ASCC3: variants seen among roughly 807,000 people sequenced by gnomAD.
The protein encoded by ASCC3 is activating signal cointegrator 1 complex subunit 3, also known as ASC-1 complex subunit P200.
ASCC3 carries 158 observed loss-of-function variants against 256.3 expected under a neutral mutation model. The observed-to-expected ratio is 0.62, with a 90% CI of 0.54 to 0.70. The LOEUF is 0.70. Among genes scored for constraint, ASCC3 ranks in the 30% least tolerant of loss-of-function variants. The pLI, the probability that ASCC3 is intolerant of heterozygous loss-of-function variation, is 0.00. For synonymous variants in ASCC3, 948 were observed against 883.4 expected, an observed-to-expected ratio of 1.07 and a Z score of -1.30; for missense variants, 2,259 against 2,626.0, an observed-to-expected ratio of 0.86 and a Z score of 3.05.
chr6:100,647,543 G>T, intron 20 of ASCC3, 92 bp from the exon 21 acceptor site: 1 of 1,138,084 alleles, frequency 8.8e-7, no homozygotes, highest in Non-Finnish European at 1.3e-6. Flanking sequence ...CTGAAAAGAA[G>T]TGCAAGTCAA....
At chr6:100,539,935 C>T (rs947368101) in intron 37 of ASCC3, among the ~76,000 whole-genome samples, 7 of 152,218 alleles carry the variant, frequency 4.6e-5, no homozygotes, top group Middle Eastern at 3.4e-3. Context: ...GTATCTGGCA[C>T]GTAGTTTGCC....
At chr6:100,770,842 CT>C (rs34601702) in intron 8 of ASCC3, among the ~76,000 whole-genome samples, 82,134 of 141,758 alleles carry the variant, frequency 0.58, 23,626 homozygotes, top group South Asian at 0.76. Context: ...CTTAAGATGT[CT>C]TTTTTTTTTT....
In ASCC3 at chr6:100,608,203, ATATATACTTTATATATATACTT is replaced by A. The variant is rs368797126; in HGVS notation, c.4786-1137_4786-1116del. ...ATGTGTGTGTATATATATACTTTAT[ATATATACTTTATATATATACTT>A]TATATACTTTATACTTTATATATAT... On this transcript the variant is annotated intron_variant, in intron 30 of 41. Transcript: ENST00000369162. Among the ~76,000 whole-genome samples the A allele has an allele frequency of 4.6e-3, 234 of 50,954 alleles. 3 individuals are homozygous for A. The highest frequency in any genetic ancestry group is 0.018 in the African/African-American group (217 of 12,332). The allele number at this position is 50,954 out of a possible 152,430, so 33.4% of individuals were successfully genotyped here.
intron 23 of ASCC3, among the ~76,000 whole-genome samples, chr6:100,643,764 T>C (rs988314500): frequency 3.3e-5 from 5 of 152,158 alleles, no homozygotes; most frequent in African/African-American, 1.2e-4. Context: ...ACCACTATTG[T>C]ACTGTTGTTG....
chr6:100,608,106 AT>A, intron 30 of ASCC3, among the ~76,000 whole-genome samples: 1 of 129,790 alleles, frequency 7.7e-6, no homozygotes, highest in East Asian at 2.2e-4. Flanking sequence ...ACACATATAT[AT>A]GTATATATAT....
chr6:100,567,458 G>C (rs963315583), intron 36 of ASCC3, among the ~76,000 whole-genome samples: 1 of 152,082 alleles, frequency 6.6e-6, no homozygotes, highest in African/African-American at 2.4e-5. Context: ...ACATACGCAC[G>C]TTTGTTACCT....
chr6:100,832,110 G>A lies in ASCC3; in HGVS notation c.801+16038C>T, dbSNP rs117883881. On this transcript the variant is annotated intron_variant, in intron 4 of 41. Transcript: ENST00000369162. ...ATCTCTGATAGGATTTTTGAAAGACGAAGACTAGAAAGAATGACAGAAAGG... is the reference window on the plus strand; with the variant it reads ...ATCTCTGATAGGATTTTTGAAAGACAAAGACTAGAAAGAATGACAGAAAGG... Among the ~76,000 whole-genome samples the A allele has an allele frequency of 4.2e-4, 64 of 152,138 alleles. No individual in the cohort carries two copies. In the East Asian group the frequency reaches 9.3e-3, roughly 22 times the overall value.
intron 36 of ASCC3, among the ~76,000 whole-genome samples, chr6:100,585,166 G>T (rs1771577733): frequency 6.6e-6 from 1 of 152,172 alleles, no homozygotes; most frequent in South Asian, 2.1e-4. Flanking sequence ...ATAATATCCT[G>T]CAGAGTGTTT....
At chr6:100,842,178 A>G (rs1440624946) in intron 4 of ASCC3, among the ~76,000 whole-genome samples, 4 of 152,210 alleles carry the variant, frequency 2.6e-5, no homozygotes, top group Non-Finnish European at 5.9e-5. Flanking sequence ...AACAATGTAC[A>G]GCACCTAATG....
At chr6:100,767,433 T>C in intron 8 of ASCC3, 88 bp from the exon 9 acceptor site, 3 of 1,368,348 alleles carry the variant, frequency 2.2e-6, no homozygotes, top group East Asian at 2.3e-5. Flanking sequence ...ATTTCCTTTG[T>C]TTTTTAAAAA....
At chr6:100,813,151 A>C (rs1770563251) in intron 4 of ASCC3, among the ~76,000 whole-genome samples, 1 of 152,050 alleles carries the variant, frequency 6.6e-6, no homozygotes, top group Admixed American at 6.6e-5. Context: ...CACATCCAGG[A>C]AGCTTAACAA....
chr6:100,765,451 G>A (rs1391992253), intron 10 of ASCC3, among the ~76,000 whole-genome samples: 1 of 152,108 alleles, frequency 6.6e-6, no homozygotes, highest in African/African-American at 2.4e-5. Flanking sequence ...AGCTTCATCG[G>A]CATGATAAAA....
chr6:100,610,086 C>G (rs1773316697), intron 30 of ASCC3, among the ~76,000 whole-genome samples: 1 of 152,142 alleles, frequency 6.6e-6, no homozygotes, highest in Admixed American at 6.6e-5. Flanking sequence ...AAGAAGGATA[C>G]ATCTCTAAAG....
At chr6:100,675,144 T>TC (rs199953032) in intron 14 of ASCC3, among the ~76,000 whole-genome samples, 1 of 151,536 alleles carries the variant, frequency 6.6e-6, no homozygotes, top group East Asian at 1.9e-4. Flanking sequence ...TTTTTTTTTT[T>TC]ACAATTTTGT....
chr6:100,633,302 A>C (rs1051943179), intron 25 of ASCC3, among the ~76,000 whole-genome samples: 2 of 152,108 alleles, frequency 1.3e-5, no homozygotes, highest in African/African-American at 4.8e-5. Context: ...AACACTAGTC[A>C]CTTAGTAACT....
chr6:100,864,615 T>C (rs944156811), intron 2 of ASCC3, among the ~76,000 whole-genome samples: 3 of 152,180 alleles, frequency 2.0e-5, no homozygotes, highest in Non-Finnish European at 2.9e-5. Flanking sequence ...AAGAGCTTTA[T>C]GTCATGCTTT....
intron 2 of ASCC3, among the ~76,000 whole-genome samples, chr6:100,864,636 G>A (rs770996954): frequency 2.6e-5 from 4 of 151,982 alleles, no homozygotes; most frequent in African/African-American, 4.8e-5. Context: ...TTAATGAAAC[G>A]CATTTATGGA....
intron 36 of ASCC3, among the ~76,000 whole-genome samples, chr6:100,541,710 A>G (rs1775472961): frequency 6.6e-6 from 1 of 152,228 alleles, no homozygotes; most frequent in Non-Finnish European, 1.5e-5. Context: ...ATGTCATCCA[A>G]TTAATGATTA....
At chr6:100,775,663 T>C (rs1407205375) in intron 8 of ASCC3, among the ~76,000 whole-genome samples, 1 of 152,000 alleles carries the variant, frequency 6.6e-6, no homozygotes, top group Non-Finnish European at 1.5e-5. Flanking sequence ...AAACAGCAAG[T>C]TAAAAAAGAA....
Sources: allele counts gnomAD v4.1 joint callset (sites outside exome capture counted in the v4.1 genomes callset), GRCh38; gene constraint gnomAD v4.1.1; transcripts MANE v1.5; gene names NCBI Gene and HGNC (gene_info 2026-07-23, HGNC 2026-07-21).